C5: variants seen among roughly 807,000 people sequenced by gnomAD.
C5 encodes the protein complement C5.
Under a neutral mutation model 218.8 loss-of-function variants are expected in C5, and 140 were observed. The observed-to-expected ratio is 0.64, with a 90% CI of 0.56 to 0.74. C5 has a LOEUF of 0.74. Ranked by LOEUF, C5 falls within the 30% of genes least tolerant of loss-of-function variation. The probability of loss-of-function intolerance (pLI) is 0.00; values close to 1 mark genes in which losing one functional copy is unlikely to be tolerated. For missense variants in C5, 1,700 were observed against 1,969.6 expected (o/e 0.86, Z 2.59); for synonymous variants, 614 against 682.3 (o/e 0.90, Z 1.56).
chr9:120,999,656 A>G (rs2047143895), intron 20 of C5: 1 of 238,278 alleles, frequency 4.2e-6, no homozygotes, highest in Non-Finnish European at 8.4e-6. Flanking sequence ...CTTCAGAGGA[A>G]TGTAATAGAA....
At chr9:121,052,453 GAA>G (rs1192286050), upstream of C5, among the ~76,000 whole-genome samples, 14 of 63,240 alleles carry the variant, frequency 2.2e-4, no homozygotes, top group South Asian at 5.1e-4. Context: ...CTCCATCTCA[GAA>G]AAAAAAAAAA....
rs1285485935 is a variant in C5, at chr9:120,952,509, A to G, written c.*230T>C. ...TCCAATTTATTGTTTCCGGTGTCCAATAACCTTGGAGGAGTATCTGTCTTC... is the reference window on the plus strand; with the variant it reads ...TCCAATTTATTGTTTCCGGTGTCCAGTAACCTTGGAGGAGTATCTGTCTTC... On this transcript the variant is annotated 3_prime_UTR_variant, in exon 41 of 41. Transcript: ENST00000223642. 2 of 439,164 alleles carry G rather than the reference A, an allele frequency of 4.6e-6. No individual in the cohort carries two copies. The highest frequency in any genetic ancestry group is 4.8e-5 in the East Asian group (1 of 20,838). 27.2% of individuals were successfully genotyped at this position (439,164 alleles called of 1,614,324 possible).
intron 22 of C5, 139 bp downstream of exon 22, chr9:120,996,101 G>A: frequency 2.6e-6 from 2 of 755,332 alleles, no homozygotes; most frequent in Non-Finnish European, 2.4e-6. Context: ...TTACAGGCAT[G>A]AGCCACTGTG....
chr9:120,980,096 T>G lies in C5; in HGVS notation c.3645A>C (p.Glu1215Asp). The change falls in exon 28 of 41, where the codon GAA (glutamate) becomes GAC (aspartate). Residue 1215 changes from glutamate to aspartate, a missense_variant. Glu to Asp is a conservative substitution (Grantham distance 45). Coordinates refer to ENST00000223642, the MANE Select transcript of C5 (RefSeq NM_001735.3). The part of the protein sequence containing the change: ...FRSIVSALKR[E>D]ALVKGNPPIY... ...AACAAGTTATACCTTTAACCAAAGC[T>G]TCTCTCTTCAAAGCTGAAACAATTG... 1 of 1,614,126 alleles carries G rather than the reference T, an allele frequency of 6.2e-7. No homozygotes were observed. The highest frequency in any genetic ancestry group is 2.2e-5 in the East Asian group (1 of 44,874).
intron 15 of C5, 54 bp from the exon 16 acceptor site, chr9:121,015,315 C>CA (rs540002912): frequency 5.4e-4 from 662 of 1,219,146 alleles, no homozygotes; most frequent in Admixed American, 9.8e-4. Flanking sequence ...GATAAAATCT[C>CA]AAAAAAAAAT....
chr9:121,070,666 T>C, the C5 span, among the ~76,000 whole-genome samples: 1 of 151,676 alleles, frequency 6.6e-6, no homozygotes, highest in Non-Finnish European at 1.5e-5. Flanking sequence ...ATGTCGAAGC[T>C]GAAAAATGTT....
At chr9:121,014,667 T>C (rs916129346) in intron 16 of C5, among the ~76,000 whole-genome samples, 3 of 152,190 alleles carry the variant, frequency 2.0e-5, no homozygotes, top group African/African-American at 7.2e-5. Flanking sequence ...ACCATAGGCA[T>C]GATATTAGTT....
At chr9:121,042,009 C>G (rs552611279) in intron 3 of C5, among the ~76,000 whole-genome samples, 1 of 152,248 alleles carries the variant, frequency 6.6e-6, no homozygotes, top group South Asian at 2.1e-4. Flanking sequence ...CAACATCAAC[C>G]AACATTTAGC....
At chr9:120,999,134 G>C (rs1194119613) in intron 20 of C5, among the ~76,000 whole-genome samples, 1 of 151,932 alleles carries the variant, frequency 6.6e-6, no homozygotes, top group Admixed American at 6.6e-5. Context: ...GAGACTAAAA[G>C]GAACTTTTGA....
chr9:121,016,924 C>G lies in C5; in HGVS notation c.1866+438G>C, dbSNP rs554199347. 2.6e-5 allele frequency among the ~76,000 whole-genome samples: 4 copies of G among 152,128 alleles called. No individual in the cohort carries two copies. The East Asian group carries it at 7.7e-4, about 29-fold the overall frequency. Reference sequence around the variant, plus strand: ...GACATTCAAGCCTCGAAAATAATAGCTGAACATAATAAGATAAATAGGAAC... The same window carrying G: ...GACATTCAAGCCTCGAAAATAATAGGTGAACATAATAAGATAAATAGGAAC... On this transcript the variant is annotated intron_variant, in intron 14 of 40. Transcript: ENST00000223642.
the C5 span, among the ~76,000 whole-genome samples, chr9:121,057,150 A>G: frequency 2.0e-5 from 3 of 152,288 alleles, no homozygotes; most frequent in African/African-American, 7.2e-5. Flanking sequence ...AGACATGGAG[A>G]AACACTTAGA....
chr9:120,985,412 A>C (rs1188674636), intron 25 of C5, among the ~76,000 whole-genome samples: 2 of 152,176 alleles, frequency 1.3e-5, no homozygotes, highest in East Asian at 3.8e-4. Context: ...TGAAACTGTA[A>C]ATATGCATTC....
intron 10 of C5, 102 bp from the exon 11 acceptor site, chr9:121,021,796 T>A: frequency 9.0e-7 from 1 of 1,115,294 alleles, no homozygotes; most frequent in South Asian, 1.3e-5. Flanking sequence ...GTATAAATTA[T>A]TTATGTATTT....
At chr9:120,977,342 C>T (rs2046961158) in intron 28 of C5, among the ~76,000 whole-genome samples, 1 of 151,986 alleles carries the variant, frequency 6.6e-6, no homozygotes, top group Admixed American at 6.6e-5. Context: ...AGTCCCATCC[C>T]CAAGATATAT....
At chr9:121,046,158 T>C (rs1263767576) in intron 2 of C5, 33 bp downstream of exon 2, 2 of 1,091,722 alleles carry the variant, frequency 1.8e-6, no homozygotes, top group Non-Finnish European at 1.4e-6. Flanking sequence ...ATTCTGTATA[T>C]ATATATAAAG....
intron 37 of C5, among the ~76,000 whole-genome samples, chr9:120,960,573 C>T (rs537160197): frequency 6.6e-6 from 1 of 152,360 alleles, no homozygotes; most frequent in African/African-American, 2.4e-5. Context: ...TTGTCTAACC[C>T]ATGGCCCGTG....
rs373166550 is a variant in C5 at position 121,030,388 on chromosome 9, T to C, written c.758+9A>G. The C allele has an allele frequency of 3.0e-6, 4 of 1,346,852 alleles. No individual in the cohort carries two copies. Among genetic ancestry groups the C allele is most frequent in the African/African-American group, 1.5e-5 (1 of 68,152 alleles). The allele number at this position is 1,346,852 out of a possible 1,614,324, so 83.4% of individuals were successfully genotyped here. A position where few individuals can be genotyped will look rare whatever the true frequency, so the allele number is the denominator to read the frequency against. On this transcript the variant is annotated intron_variant, in intron 7 of 40. Coordinates refer to ENST00000223642, the MANE Select transcript of C5 (RefSeq NM_001735.3). ...AAAATAAAAACAACAAAAAAACAAA[T>C]GTTCTTACCTTGCTTTTATAGTAAT...
At chr9:120,966,226 A>G (rs532932883) in intron 33 of C5, among the ~76,000 whole-genome samples, 1 of 152,322 alleles carries the variant, frequency 6.6e-6, no homozygotes, top group Admixed American at 6.5e-5. Context: ...TAAAAACCAA[A>G]GGATAGACTA....
intron 20 of C5, among the ~76,000 whole-genome samples, chr9:121,002,238 G>GTATATGTATATATATGTATATATGTATA (rs2047171624): frequency 3.4e-5 from 2 of 58,558 alleles, no homozygotes; most frequent in East Asian, 1.0e-3. Flanking sequence ...ATGTATATAT[G>GTATATGTATATATATGTATATATGTATA]TATATGTATA....
Sources: gnomAD v4.1 joint callset for allele counts (sites outside exome capture counted in the v4.1 genomes callset) on GRCh38, gnomAD v4.1.1 for gene constraint, MANE v1.5 for transcripts, NCBI Gene and HGNC (gene_info 2026-07-23, HGNC 2026-07-21) for gene names.